Variants in NEO1 observed in about 807,000 individuals in gnomAD.
The protein encoded by NEO1 is neogenin.
Under a neutral mutation model 159.7 loss-of-function variants are expected in NEO1, and 63 were observed. The observed-to-expected ratio is 0.39, with a 90% CI of 0.32 to 0.49. The LOEUF (loss-of-function observed/expected upper bound fraction) is 0.49. Among genes scored for constraint, NEO1 ranks in the 20% least tolerant of loss-of-function variants. The pLI, the probability that NEO1 is intolerant of heterozygous loss-of-function variation, is 0.85. For missense variants in NEO1, 1,615 were observed against 1,831.0 expected (o/e 0.88, Z 2.15); for synonymous variants, 633 against 662.0 (o/e 0.96, Z 0.67).
In NEO1 at chr15:73,283,101, C is replaced by A; in HGVS notation, c.3400C>A (p.His1134Asn). 3 of 1,614,002 alleles carry A rather than the reference C, an allele frequency of 1.9e-6. No homozygotes were observed. Among genetic ancestry groups the A allele is most frequent in the African/African-American group, 2.7e-5 (2 of 75,030 alleles). Reference sequence around the variant, plus strand: ...CTTTTGTACCCGTCGTACCACCTCTCACCAGAAAAAGTAAGAAGCCCCAGA... The same window carrying A: ...CTTTTGTACCCGTCGTACCACCTCTAACCAGAAAAAGTAAGAAGCCCCAGA... ...AVFCTRRTTS[H>N]QKKKRAACKS... is the part of the protein sequence containing the mutation. The change falls in exon 23 of 29, where the codon CAC becomes AAC. Residue 1134 changes from histidine to asparagine, a missense_variant. This residue lies in a region of NEO1 where 471 missense variants were observed against 498.9 expected (regional missense o/e 0.94). Coordinates refer to ENST00000261908, the MANE Select transcript of NEO1 (RefSeq NM_002499.4).
chr15:73,119,840 T>A (rs952965945), intron 2 of NEO1, among the ~76,000 whole-genome samples: 2 of 152,196 alleles, frequency 1.3e-5, no homozygotes, highest in Non-Finnish European at 2.9e-5. Flanking sequence ...TTTTGACTCT[T>A]TAAAAATACA....
chr15:73,094,427 C>T (rs956617311), intron 1 of NEO1, among the ~76,000 whole-genome samples: 3 of 152,186 alleles, frequency 2.0e-5, no homozygotes, highest in Non-Finnish European at 4.4e-5. Context: ...ATAATAACTT[C>T]ATTGTCTGGA....
chr15:73,125,212 T>C (rs1567251935), intron 3 of NEO1, among the ~76,000 whole-genome samples: 1 of 152,354 alleles, frequency 6.6e-6, no homozygotes, highest in South Asian at 2.1e-4. Context: ...CAAAGCTAAG[T>C]CCTTATCTCC....
chr15:73,212,538 G>A (rs1319882107), intron 7 of NEO1, among the ~76,000 whole-genome samples: 1 of 152,062 alleles, frequency 6.6e-6, no homozygotes, highest in Admixed American at 6.6e-5. Context: ...AAATGTATTC[G>A]ACCTTCCATG....
At chr15:73,141,042 A>G (rs920884145) in intron 5 of NEO1, among the ~76,000 whole-genome samples, 21 of 152,316 alleles carry the variant, frequency 1.4e-4, no homozygotes, top group African/African-American at 5.1e-4. Flanking sequence ...GTTACAATTC[A>G]AGCTGTATTG....
At chr15:73,236,295 A>G in intron 7 of NEO1, 52 bp from the exon 8 acceptor site, 2 of 1,613,796 alleles carry the variant, frequency 1.2e-6, no homozygotes, top group Non-Finnish European at 1.7e-6. Context: ...AGATGTTGCC[A>G]TCCCAACATT....
intron 16 of NEO1, among the ~76,000 whole-genome samples, chr15:73,268,409 G>GA (rs1312355116): frequency 6.6e-6 from 1 of 151,900 alleles, no homozygotes; most frequent in Non-Finnish European, 1.5e-5. Context: ...CTACATATAA[G>GA]AAAAAAAATT....
intron 1 of NEO1, among the ~76,000 whole-genome samples, chr15:73,113,890 AC>A (rs200307342): frequency 0.016 from 2,413 of 152,168 alleles, 38 homozygotes; most frequent in Non-Finnish European, 0.024. Flanking sequence ...TTTTGTTTGA[AC>A]CTAACTGTTA....
chr15:73,298,093 G>C (rs1457431732), intron 26 of NEO1, among the ~76,000 whole-genome samples: 1 of 152,188 alleles, frequency 6.6e-6, no homozygotes, highest in Non-Finnish European at 1.5e-5. Context: ...AATAAATAAT[G>C]AGGAGAACTT....
rs950234501 is a variant in NEO1, at chr15:73,270,299, A to G, written c.2719-17A>G. Reference sequence around the variant, plus strand: ...GATACTTTCTAATTTTAAAGTCTCAATTCATGTTTTTTTCAGAATGCAAAT... The same window carrying G: ...GATACTTTCTAATTTTAAAGTCTCAGTTCATGTTTTTTTCAGAATGCAAAT... On this transcript the variant is annotated splice_polypyrimidine_tract_variant and intron_variant, in intron 17 of 28. Transcript: ENST00000261908. 3 of 1,614,082 alleles carry G rather than the reference A, an allele frequency of 1.9e-6. No individual in the cohort carries two copies. The East Asian group carries it at 6.7e-5, about 36-fold the overall frequency.
At chr15:73,070,599 A>G (rs1595906551) in intron 1 of NEO1, among the ~76,000 whole-genome samples, 2 of 152,212 alleles carry the variant, frequency 1.3e-5, no homozygotes, top group African/African-American at 4.8e-5. Context: ...TCCATGGGAG[A>G]TACATTCCAA....
intron 5 of NEO1, among the ~76,000 whole-genome samples, chr15:73,139,084 A>T (rs571599222): frequency 9.8e-5 from 15 of 152,318 alleles, no homozygotes; most frequent in African/African-American, 3.6e-4. Flanking sequence ...ATGGTCCTGG[A>T]AAAACTGGAT....
chr15:73,093,856 G>C lies in NEO1; in HGVS notation c.131-22684G>C, dbSNP rs191519573. 7.0e-3 allele frequency among the ~76,000 whole-genome samples: 1,059 copies of C among 152,288 alleles called. 14 individuals carry two copies. Among genetic ancestry groups the C allele is most frequent in the African/African-American group, 0.024 (1,009 of 41,564 alleles). ...GGCCTCCCAGAGTGCTGGGATTATA[G>C]GCACGAGCCACTGTGCCTGGCCGGA... On this transcript the variant is annotated intron_variant, in intron 1 of 28. Coordinates refer to ENST00000261908, the MANE Select transcript of NEO1 (RefSeq NM_002499.4).
intron 5 of NEO1, among the ~76,000 whole-genome samples, chr15:73,147,083 C>G (rs987249721): frequency 1.3e-5 from 2 of 152,136 alleles, no homozygotes; most frequent in African/African-American, 4.8e-5. Flanking sequence ...GAGCCTCTGG[C>G]AATGTGATCT....
intron 18 of NEO1, 103 bp from the exon 19 acceptor site, chr15:73,272,352 T>G: frequency 1.4e-6 from 1 of 716,912 alleles, no homozygotes; most frequent in South Asian, 2.0e-5. Context: ...TTTATCTTTT[T>G]TGCCTTGTGC....
At chr15:73,204,875 C>G (rs556965329) in intron 7 of NEO1, among the ~76,000 whole-genome samples, 19 of 151,900 alleles carry the variant, frequency 1.3e-4, no homozygotes, top group Admixed American at 2.6e-4. Context: ...ATAAATAGGC[C>G]TTTAGTGTGA....
At chr15:73,252,521 A>G (rs2040129951) in intron 11 of NEO1, among the ~76,000 whole-genome samples, 1 of 152,220 alleles carries the variant, frequency 6.6e-6, no homozygotes, top group African/African-American at 2.4e-5. Context: ...TTGCTTAAAT[A>G]TCTTTGCTGT....
chr15:73,274,085 G>A (rs2151051615), intron 20 of NEO1, 80 bp downstream of exon 20: 3 of 1,309,184 alleles, frequency 2.3e-6, no homozygotes, highest in East Asian at 2.3e-5. Flanking sequence ...AGCATATAGA[G>A]TCTGTGGATA....
At chr15:73,229,175 ATCT>A (rs1298138186) in intron 7 of NEO1, among the ~76,000 whole-genome samples, 11 of 151,960 alleles carry the variant, frequency 7.2e-5, no homozygotes, top group Admixed American at 5.9e-4. Flanking sequence ...ATTTATTTAG[ATCT>A]TCTTTAATTT....
Sources: gnomAD v4.1 joint callset for allele counts (sites outside exome capture counted in the v4.1 genomes callset) on GRCh38, gnomAD v4.1.1 for gene constraint, gnomAD v4.1.1 regional missense constraint, MANE v1.5 for transcripts, NCBI Gene and HGNC (gene_info 2026-07-23, HGNC 2026-07-21) for gene names.